The following EXOC6B variants were observed in gnomAD, a reference collection of about 807,000 sequenced individuals.
The protein encoded by EXOC6B is SEC15 homolog B.
Under a neutral mutation model 113.5 loss-of-function variants are expected in EXOC6B, and 54 were observed. That is an observed-to-expected ratio of 0.48 (90% CI 0.38 to 0.60). The LOEUF (loss-of-function observed/expected upper bound fraction) is 0.60, where lower values mean the gene tolerates loss of function less well. EXOC6B is among the 20% of genes least tolerant of loss of function. The pLI is 0.00. For missense variants in EXOC6B, 797 were observed against 977.5 expected, an observed-to-expected ratio of 0.82 and a Z score of 2.46; for synonymous variants, 357 against 339.0, an observed-to-expected ratio of 1.05 and a Z score of -0.58.
At chr2:72,425,592 A>T (rs1454483955) in intron 18 of EXOC6B, among the ~76,000 whole-genome samples, 2 of 152,160 alleles carry the variant, frequency 1.3e-5, no homozygotes, top group Admixed American at 1.3e-4. Context: ...CCATTTTGCC[A>T]GTTCTTTCTG....
intron 19 of EXOC6B, among the ~76,000 whole-genome samples, chr2:72,336,077 C>T (rs1000298224): frequency 6.6e-6 from 1 of 152,032 alleles, no homozygotes; most frequent in East Asian, 1.9e-4. Flanking sequence ...TACTATTATT[C>T]AATTCTTTCT....
At chr2:72,189,546 T>C (rs1378639805) in intron 20 of EXOC6B, among the ~76,000 whole-genome samples, 1 of 152,242 alleles carries the variant, frequency 6.6e-6, no homozygotes, top group African/African-American at 2.4e-5. Flanking sequence ...TGTTATCCAG[T>C]GAGGATTCTT....
At chr2:72,488,525 A>G (rs901375458) in intron 16 of EXOC6B, among the ~76,000 whole-genome samples, 5 of 152,112 alleles carry the variant, frequency 3.3e-5, no homozygotes, top group African/African-American at 9.7e-5. Flanking sequence ...TCTAAAATCA[A>G]ATTCCCAATG....
chr2:72,727,051 C>G (rs147775286), intron 5 of EXOC6B, among the ~76,000 whole-genome samples: 1 of 152,198 alleles, frequency 6.6e-6, no homozygotes, highest in African/African-American at 2.4e-5. Context: ...GCGTCTACAC[C>G]TAGTCCCCTA....
intron 20 of EXOC6B, among the ~76,000 whole-genome samples, chr2:72,227,992 G>A (rs530716514): frequency 1.2e-4 from 18 of 152,138 alleles, no homozygotes; most frequent in Non-Finnish European, 2.4e-4. Flanking sequence ...ATATGAAAGG[G>A]CAAGGAATTT....
chr2:72,573,088 G>C (rs1459156688), intron 7 of EXOC6B, among the ~76,000 whole-genome samples: 1 of 152,160 alleles, frequency 6.6e-6, no homozygotes, highest in East Asian at 1.9e-4. Flanking sequence ...ACAAGGCAAA[G>C]AAGGAGCATG....
chr2:72,725,687 T>C (rs1456246206), intron 5 of EXOC6B, among the ~76,000 whole-genome samples: 1 of 152,222 alleles, frequency 6.6e-6, no homozygotes, highest in Non-Finnish European at 1.5e-5. Flanking sequence ...CCACCACACC[T>C]GGCCTGGGTA....
At chr2:72,755,163 T>G (rs1682331714) in intron 1 of EXOC6B, among the ~76,000 whole-genome samples, 1 of 152,166 alleles carries the variant, frequency 6.6e-6, no homozygotes, top group Non-Finnish European at 1.5e-5. Context: ...CCAGGAGTAC[T>G]GTCATCTTGT....
chr2:72,731,747 T>C (rs899371000), intron 3 of EXOC6B, among the ~76,000 whole-genome samples: 2 of 152,224 alleles, frequency 1.3e-5, no homozygotes, highest in Non-Finnish European at 2.9e-5. Flanking sequence ...ACTTGCAGCA[T>C]TCATCCTATA....
intron 20 of EXOC6B, among the ~76,000 whole-genome samples, chr2:72,244,610 C>T (rs1299188864): frequency 6.6e-6 from 1 of 151,888 alleles, no homozygotes; most frequent in Non-Finnish European, 1.5e-5. Flanking sequence ...TGACAAAAAC[C>T]TGGTTCTTTA....
chr2:72,363,311 T>C (rs1031338288), intron 19 of EXOC6B, among the ~76,000 whole-genome samples: 6 of 152,056 alleles, frequency 3.9e-5, no homozygotes, highest in Non-Finnish European at 7.4e-5. Context: ...TCCTGTTATA[T>C]AATGGCACCC....
chr2:72,502,308 G>A (rs1224579705), intron 11 of EXOC6B, among the ~76,000 whole-genome samples: 2 of 152,184 alleles, frequency 1.3e-5, no homozygotes, highest in Non-Finnish European at 2.9e-5. Context: ...GGCTCTTTGG[G>A]AGACCAAGGC....
At chr2:72,816,921 C>T (rs928745072) in intron 1 of EXOC6B, among the ~76,000 whole-genome samples, 8 of 152,198 alleles carry the variant, frequency 5.3e-5, no homozygotes, top group Non-Finnish European at 8.8e-5. Flanking sequence ...CCATTGCTAG[C>T]TAACTGAACC....
chr2:72,531,073 CAT>C (rs1441637274), intron 8 of EXOC6B, among the ~76,000 whole-genome samples: 3 of 152,072 alleles, frequency 2.0e-5, no homozygotes, highest in Non-Finnish European at 4.4e-5. Flanking sequence ...CAATTATTCA[CAT>C]GTTAGGGCTT....
At chr2:72,480,882 A>G in intron 16 of EXOC6B, 132 bp from the exon 17 acceptor site, 1 of 851,776 alleles carries the variant, frequency 1.2e-6, no homozygotes, top group African/African-American at 1.7e-5. Flanking sequence ...GGCAAGGGGT[A>G]TGTTAAAGCA....
chr2:72,684,262 C>T (rs183668194), intron 6 of EXOC6B, among the ~76,000 whole-genome samples: 1 of 152,088 alleles, frequency 6.6e-6, no homozygotes, highest in African/African-American at 2.4e-5. Context: ...TCTCTTATTC[C>T]TCATATCCCA....
intron 6 of EXOC6B, among the ~76,000 whole-genome samples, chr2:72,625,546 G>A (rs1672002322): frequency 6.6e-6 from 1 of 151,990 alleles, no homozygotes; most frequent in African/African-American, 2.4e-5. Flanking sequence ...TTCCCCTATT[G>A]TCCTCATTCC....
intron 17 of EXOC6B, 80 bp from the exon 18 acceptor site, chr2:72,465,419 C>T (rs919045864): frequency 2.8e-5 from 29 of 1,051,470 alleles, no homozygotes; most frequent in Non-Finnish European, 3.4e-5. Context: ...AGCCATCTGA[C>T]ATATCCATTA....
intron 1 of EXOC6B, among the ~76,000 whole-genome samples, chr2:72,809,902 T>A (rs965936178): frequency 6.6e-6 from 1 of 152,082 alleles, no homozygotes; most frequent in African/African-American, 2.4e-5. Context: ...TGAGATTTAC[T>A]CAATATTTAT....
Sources: allele counts gnomAD v4.1 joint callset (sites outside exome capture counted in the v4.1 genomes callset), GRCh38; gene constraint gnomAD v4.1.1; transcripts MANE v1.5; gene names NCBI Gene and HGNC (gene_info 2026-07-23, HGNC 2026-07-21).